Variants in GEM observed in about 807,000 individuals in gnomAD.
The protein encoded by GEM is GTP-binding protein GEM.
In GEM, 31 loss-of-function variants were observed where a neutral mutation model predicts 33.0. The ratio of observed to expected loss-of-function variants is 0.94; its 90% confidence interval spans 0.71 to 1.27. The LOEUF (loss-of-function observed/expected upper bound fraction) is 1.27, where lower values mean the gene tolerates loss of function less well. Among genes scored for constraint, GEM ranks in the 50% most tolerant of loss-of-function variants. GEM has a pLI of 0.00. For missense variants in GEM, 354 were observed against 390.5 expected (o/e 0.91, Z 0.79); for synonymous variants, 141 against 143.7 (o/e 0.98, Z 0.13).
chr8:94,251,268 G>A (rs1437381032), intron 4 of GEM, among the ~76,000 whole-genome samples: 1 of 152,164 alleles, frequency 6.6e-6, no homozygotes, highest in Non-Finnish European at 1.5e-5. Context: ...TCAATTTCAA[G>A]TATTTCATTG....
chr8:94,259,899 T>A, intron 2 of GEM: 1 of 368,218 alleles, frequency 2.7e-6, no homozygotes, highest in Non-Finnish European at 5.0e-6. Context: ...CTCTGCCCTC[T>A]CTAATCAGCC....
intron 2 of GEM, among the ~76,000 whole-genome samples, chr8:94,256,320 A>G (rs1474990833): frequency 6.6e-6 from 1 of 151,754 alleles, no homozygotes; most frequent in Non-Finnish European, 1.5e-5. Context: ...CTAAGTGCCC[A>G]CTTGTTCTTC....
chr8:94,258,496 T>A (rs963539492), intron 2 of GEM, among the ~76,000 whole-genome samples: 2 of 152,208 alleles, frequency 1.3e-5, no homozygotes, highest in African/African-American at 4.8e-5. Flanking sequence ...CCCAATGTGC[T>A]GTCATACTTA....
intron 1 of GEM, among the ~76,000 whole-genome samples, chr8:94,261,840 C>T (rs1218090264): frequency 1.3e-5 from 2 of 152,148 alleles, no homozygotes; most frequent in Non-Finnish European, 2.9e-5. Flanking sequence ...CACTCCTCTC[C>T]CACCCTCACC....
chr8:94,259,235 A>G (rs1211260162), intron 2 of GEM, among the ~76,000 whole-genome samples: 1 of 152,216 alleles, frequency 6.6e-6, no homozygotes, highest in Admixed American at 6.5e-5. Flanking sequence ...AGTGAGGAAT[A>G]ACATTAATAT....
chr8:94,258,065 A>G (rs967775849), intron 2 of GEM, among the ~76,000 whole-genome samples: 21 of 152,074 alleles, frequency 1.4e-4, no homozygotes, highest in African/African-American at 3.9e-4. Flanking sequence ...CTGATGCCCA[A>G]TGTGCTGTCA....
Position 94,253,094 on chromosome 8 carries a change from G to T in GEM, c.350C>A (p.Thr117Asn). 6.3e-7 allele frequency: 1 copy of T among 1,591,396 alleles called. No individual in the cohort carries two copies. Among genetic ancestry groups the T allele is most frequent in the Non-Finnish European group, 8.6e-7 (1 of 1,159,452 alleles). ...EVLGEDTYER[T>N]LMVDGESATI... is the part of the protein sequence containing the mutation. ...TGCACTTTCCCCATCAACCATCAGGGTTCGTTCATATGTATCTTCTAGAGA... is the reference window on the plus strand; with the variant it reads ...TGCACTTTCCCCATCAACCATCAGGTTTCGTTCATATGTATCTTCTAGAGA... The change falls in exon 3 of 5, where the codon ACC (threonine) becomes AAC (asparagine). Residue 117 changes from threonine (T) to asparagine (N), a missense_variant. Thr to Asn is a moderately conservative substitution (Grantham distance 65). Coordinates refer to ENST00000297596, the MANE Select transcript of GEM (RefSeq NM_005261.4).
chr8:94,259,671 A>C (rs906557772), intron 2 of GEM: 2 of 152,518 alleles, frequency 1.3e-5, no homozygotes, highest in Non-Finnish European at 2.9e-5. Context: ...TCACATTTTA[A>C]AAAATTATTA....
intron 4 of GEM, among the ~76,000 whole-genome samples, chr8:94,250,999 G>T (rs980664570): frequency 6.6e-6 from 1 of 152,138 alleles, no homozygotes; most frequent in Non-Finnish European, 1.5e-5. Flanking sequence ...TGAAGAAACC[G>T]AGGGGAGTCT....
At position 94,260,390 on chromosome 8, in the gene GEM, G is replaced by A; in HGVS notation, c.114C>T (p.His38=). 3 of 1,614,056 alleles carry A rather than the reference G, an allele frequency of 1.9e-6. No homozygotes were observed. In the African/African-American group the frequency reaches 4.0e-5, roughly 22 times the overall value. Residue 38 remains histidine (H), a synonymous_variant, in exon 2 of 5, where the codon CAC becomes CAT. Coordinates refer to ENST00000297596, the MANE Select transcript of GEM (RefSeq NM_005261.4). ...AATGGCGGTTGCGGTGGCTGTACTGGTGGGGCTCTTTCTGGACCATCAGAT... is the reference window on the plus strand; with the variant it reads ...AATGGCGGTTGCGGTGGCTGTACTGATGGGGCTCTTTCTGGACCATCAGAT... The part of the protein sequence containing the change: ...GRHLMVQKEP[H]QYSHRNRHSA...
chr8:94,251,244 T>A (rs1808763293), intron 4 of GEM, among the ~76,000 whole-genome samples: 1 of 152,228 alleles, frequency 6.6e-6, no homozygotes, highest in Non-Finnish European at 1.5e-5. Context: ...TATACAAGCT[T>A]TTCTGGGACA....
chr8:94,257,537 C>T (rs1808916872), intron 2 of GEM, among the ~76,000 whole-genome samples: 1 of 152,136 alleles, frequency 6.6e-6, no homozygotes, highest in Non-Finnish European at 1.5e-5. Context: ...TCGGAATTCC[C>T]ACAGCACTCT....
intron 2 of GEM, among the ~76,000 whole-genome samples, chr8:94,257,165 AT>A (rs1323290674): frequency 1.1e-4 from 17 of 151,324 alleles, no homozygotes; most frequent in African/African-American, 3.6e-4. Flanking sequence ...ATTTTATTTT[AT>A]TTTTATTTTT....
intron 2 of GEM, among the ~76,000 whole-genome samples, chr8:94,254,488 C>T (rs1327787766): frequency 1.3e-5 from 2 of 152,130 alleles, no homozygotes; most frequent in Non-Finnish European, 2.9e-5. Flanking sequence ...AGTACTCACA[C>T]CTTAGGGCTA....
In GEM at chr8:94,251,540, T is replaced by C. The variant is rs561644839; in HGVS notation, c.613+479A>G. ...AGATAGAGATTTTCCCTGAGCTAAG[T>C]ATGAAGAAGAATATGTGACCCCATC... is the stretch of plus-strand genomic sequence containing the variant. On this transcript the variant is annotated intron_variant, in intron 4 of 4. Transcript: ENST00000297596. 3.9e-5 allele frequency among the ~76,000 whole-genome samples: 6 copies of C among 152,322 alleles called. No individual in the cohort carries two copies. The East Asian group carries it at 1.2e-3, about 29-fold the overall frequency.
At position 94,250,257 on chromosome 8, in the gene GEM, C is replaced by A. The variant is rs1808731320; in HGVS notation, c.*53G>T. The A allele has an allele frequency of 2.1e-6, 3 of 1,410,440 alleles. No individual in the cohort carries two copies. Among genetic ancestry groups the A allele is most frequent in the Non-Finnish European group, 3.0e-6 (3 of 1,015,448 alleles). 87.4% of individuals were successfully genotyped at this position (1,410,440 alleles called of 1,614,324 possible). A position where few individuals can be genotyped will look rare whatever the true frequency, so the allele number is the denominator to read the frequency against. On this transcript the variant is annotated 3_prime_UTR_variant, in exon 5 of 5. Transcript: ENST00000297596. ...TTCAATCTAATATAGATTATTGGTCCCAATGGCCTTCAACAACGGCCATCA... is the reference window on the plus strand; with the variant it reads ...TTCAATCTAATATAGATTATTGGTCACAATGGCCTTCAACAACGGCCATCA...
chr8:94,258,301 C>T (rs1001717806), intron 2 of GEM, among the ~76,000 whole-genome samples: 2 of 152,154 alleles, frequency 1.3e-5, no homozygotes, highest in Non-Finnish European at 2.9e-5. Context: ...AAAACAACTC[C>T]CAGTCCATCT....
At chr8:94,257,835 G>A (rs1264167717) in intron 2 of GEM, among the ~76,000 whole-genome samples, 3 of 151,262 alleles carry the variant, frequency 2.0e-5, no homozygotes, top group East Asian at 1.9e-4. Context: ...ATATTATGTC[G>A]ATTTTTTTTC....
chr8:94,260,417 C>T lies in GEM; in HGVS notation c.87G>A (p.Arg29=), dbSNP rs759323238. 3 of 1,613,762 alleles carry T rather than the reference C, an allele frequency of 1.9e-6. No homozygotes were observed. Among genetic ancestry groups the T allele is most frequent in the Non-Finnish European group, 2.5e-6 (3 of 1,179,766 alleles). Residue 29 remains arginine, a synonymous_variant, in exon 2 of 5, where the codon AGG becomes AGA. Transcript: ENST00000297596. ...GGGGCTCTTTCTGGACCATCAGATG[C>T]CTGCCATCAGCTGGGATGCTCCAGC... The part of the protein sequence containing the change: ...QQRWSIPADG[R]HLMVQKEPHQ...
Sources: allele counts gnomAD v4.1 joint callset (sites outside exome capture counted in the v4.1 genomes callset), GRCh38; gene constraint gnomAD v4.1.1; transcripts MANE v1.5; gene names NCBI Gene and HGNC (gene_info 2026-07-23, HGNC 2026-07-21).